EPS8L2: variants seen among roughly 807,000 people sequenced by gnomAD.
EPS8L2 encodes epidermal growth factor receptor kinase substrate 8-like protein 2.
In EPS8L2, 81 loss-of-function variants were observed where a neutral mutation model predicts 99.4. That is an observed-to-expected ratio of 0.82 (90% CI 0.68 to 0.98). The LOEUF is 0.98. Among genes scored for constraint, EPS8L2 ranks in the 50% least tolerant of loss-of-function variants. The pLI is 0.00. For synonymous variants in EPS8L2, 509 were observed against 407.3 expected (o/e 1.25, Z -3.01); for missense variants, 1,155 against 968.8 (o/e 1.19, Z -2.55).
rs1291053960 is a variant in EPS8L2 at position 721,037 on chromosome 11, G to A, written c.558-27G>A. 4.0e-6 allele frequency: 6 copies of A among 1,482,194 alleles called. No individual in the cohort carries two copies. In the South Asian group the frequency reaches 6.6e-5, roughly 16 times the overall value. 91.8% of individuals were successfully genotyped at this position (1,482,194 alleles called of 1,614,324 possible). Reference sequence around the variant, plus strand: ...GAGGGTCAGGTGCGTTCCCGGCGGGGCTGAGCAGGACCCCCTCGCCCTCCA... The same window carrying A: ...GAGGGTCAGGTGCGTTCCCGGCGGGACTGAGCAGGACCCCCTCGCCCTCCA... On this transcript the variant is annotated intron_variant, in intron 7 of 20. Transcript: ENST00000318562.
rs771642124 is a variant in EPS8L2, at chr11:709,641, CAG to C, written c.100+34_100+35del. ...AGGTTTGAGAACGGGCTGGACGTCACAGGGGAGAAATGGGCACTGCATCCAGG... is the reference window on the plus strand; with the variant it reads ...AGGTTTGAGAACGGGCTGGACGTCACGGGAGAAATGGGCACTGCATCCAGG... On this transcript the variant is annotated intron_variant, in intron 3 of 20. Coordinates refer to ENST00000318562, the MANE Select transcript of EPS8L2 (RefSeq NM_022772.4). The C allele has an allele frequency of 1.6e-5, 25 of 1,608,234 alleles. No homozygotes were observed. The Admixed American group carries it at 3.0e-4, about 19-fold the overall frequency.
chr11:709,777 C>T (rs1861834983), intron 3 of EPS8L2, 169 bp downstream of exon 3: 2 of 679,068 alleles, frequency 2.9e-6, no homozygotes, highest in Non-Finnish European at 5.1e-6. Flanking sequence ...AGCTCCTGGC[C>T]ACTGGATCCC....
intron 7 of EPS8L2, 49 bp downstream of exon 7, chr11:720,958 C>CCCGGCAGGGGAGGGGAGGGAGGAG: frequency 9.8e-7 from 1 of 1,015,864 alleles, no homozygotes; most frequent in African/African-American, 2.8e-5. Context: ...AGGGGAGGAG[C>CCCGGCAGGGGAGGGGAGGGAGGAG]CCGGCAGGGG....
At chr11:707,927 C>T (rs1018655793) in intron 1 of EPS8L2, among the ~76,000 whole-genome samples, 1 of 152,148 alleles carries the variant, frequency 6.6e-6, no homozygotes, top group East Asian at 1.9e-4. Context: ...AGGCTCGCCA[C>T]TGAGCCCGTG....
At position 710,465 on chromosome 11, in the gene EPS8L2, G is replaced by C; in HGVS notation, c.144G>C (p.Glu48Asp). 4 of 1,613,724 alleles carry C rather than the reference G, an allele frequency of 2.5e-6. No individual in the cohort carries two copies. The highest frequency in any genetic ancestry group is 3.4e-6 in the Non-Finnish European group (4 of 1,179,962). ...CCAACTCCAACGTCATCATGCACGA[G>C]ACCTCGCAGTACCACGTCCAGGTAA... ...KYSNSNVIMH[E>D]TSQYHVQHLA... Residue 48 changes from glutamate (E) to aspartate (D), a missense_variant, in exon 4 of 21, where the codon GAG (glutamate) becomes GAC (aspartate). Coordinates refer to ENST00000318562, the MANE Select transcript of EPS8L2 (RefSeq NM_022772.4).
intron 14 of EPS8L2, 66 bp downstream of exon 14, chr11:722,871 C>G (rs1450088489): frequency 4.5e-5 from 51 of 1,127,430 alleles, no homozygotes; most frequent in South Asian, 6.2e-5. Flanking sequence ...AGAGCTCCCC[C>G]CCAGCCCTGA....
chr11:713,850 T>C (rs575131092), intron 4 of EPS8L2, among the ~76,000 whole-genome samples: 72 of 151,930 alleles, frequency 4.7e-4, no homozygotes, highest in African/African-American at 1.6e-3. Context: ...CTGGCCTAAT[T>C]TTTGTATTTT....
At chr11:710,182 C>T in intron 3 of EPS8L2, 1 of 525,148 alleles carries the variant, frequency 1.9e-6, no homozygotes, top group South Asian at 2.1e-5. Flanking sequence ...CCCCACTCCA[C>T]TCAGAGCAAG....
chr11:724,884 G>A lies in EPS8L2; in HGVS notation c.1560+55G>A, dbSNP rs1862274813. 39 of 1,373,484 alleles carry A rather than the reference G, an allele frequency of 2.8e-5. No homozygotes were observed. The highest frequency in any genetic ancestry group is 3.8e-5 in the Non-Finnish European group (37 of 967,122). 85.1% of individuals were successfully genotyped at this position (1,373,484 alleles called of 1,614,324 possible). ...GGGGAAACAGGGCAGGGCTTCAAGGGAGGGGCTACCAGGGGAGGTGGGGAG... is the reference window on the plus strand; with the variant it reads ...GGGGAAACAGGGCAGGGCTTCAAGGAAGGGGCTACCAGGGGAGGTGGGGAG... On this transcript the variant is annotated intron_variant, in intron 16 of 20. Transcript: ENST00000318562. This position sits in a 1 kb window ranked among gnomAD's most constrained non-coding sequence, Gnocchi z 5.5.
In EPS8L2 at chr11:727,302, G is replaced by T. The variant is rs1035710780; in HGVS notation, c.*321G>T. ...CTCCCCTGTGCACCTGGGGGGTCCT[G>T]GCCCCTGTGATGCTCCCCCATCCCC... is the stretch of plus-strand genomic sequence containing the variant. On this transcript the variant is annotated 3_prime_UTR_variant, in exon 21 of 21. Transcript: ENST00000318562. 1.6e-5 allele frequency: 4 copies of T among 253,674 alleles called. No homozygotes were observed. The highest frequency in any genetic ancestry group is 1.4e-3 in the Middle Eastern group (1 of 722). The allele number at this position is 253,674 out of a possible 1,614,324, so 15.7% of individuals were successfully genotyped here. A position where few individuals can be genotyped will look rare whatever the true frequency, so the allele number is the denominator to read the frequency against.
intron 4 of EPS8L2, among the ~76,000 whole-genome samples, chr11:719,789 G>A (rs1226320245): frequency 6.6e-6 from 1 of 152,192 alleles, no homozygotes; most frequent in East Asian, 1.9e-4. Flanking sequence ...TACTGAGCCT[G>A]CACCAGGAGG....
intron 4 of EPS8L2, among the ~76,000 whole-genome samples, chr11:713,080 C>A (rs1050591949): frequency 2.0e-5 from 3 of 152,190 alleles, no homozygotes; most frequent in Non-Finnish European, 4.4e-5. Context: ...GGCTTTCCTG[C>A]CTCTCCCCGA....
intron 5 of EPS8L2, 38 bp downstream of exon 5, chr11:720,261 G>A (rs1862120337): frequency 6.2e-7 from 1 of 1,602,358 alleles, no homozygotes; most frequent in East Asian, 2.2e-5. Flanking sequence ...GAGCACAGTG[G>A]GTAGAGGCGG....
At position 720,868 on chromosome 11, in the gene EPS8L2, CGACTGCCGGCTG is replaced by C; in HGVS notation, c.518_529del (p.Asp173_Leu176del). 1 of 1,455,216 alleles carries C rather than the reference CGACTGCCGGCTG, an allele frequency of 6.9e-7. No homozygotes were observed. Among genetic ancestry groups the C allele is most frequent in the Admixed American group, 2.1e-5 (1 of 46,838 alleles). The allele number at this position is 1,455,216 out of a possible 1,614,324, so 90.1% of individuals were successfully genotyped here. On this transcript the variant is annotated inframe_deletion, in exon 7 of 21. Coordinates refer to ENST00000318562, the MANE Select transcript of EPS8L2 (RefSeq NM_022772.4). ...ACGAGGACATCGAGAGCGCGTTGGC[CGACTGCCGGCTG>C]GGCAAGAAGATGCGGCCGCAGACCC... is the stretch of plus-strand genomic sequence containing the variant.
chr11:720,988 G>GAGGGGAGGAGCCCGGCAGGGA, intron 7 of EPS8L2, 76 bp from the exon 8 acceptor site: 2 of 1,458,526 alleles, frequency 1.4e-6, no homozygotes, highest in Non-Finnish European at 9.2e-7. Context: ...GCCGGCAGGG[G>GAGGGGAGGAGCCCGGCAGGGA]AGGGGAGGAG....
At chr11:717,964 G>C (rs1051632061) in intron 4 of EPS8L2, among the ~76,000 whole-genome samples, 2 of 149,218 alleles carry the variant, frequency 1.3e-5, no homozygotes, top group Non-Finnish European at 3.0e-5. Context: ...AGCCGAGATC[G>C]CGCCACTGCA....
In EPS8L2 at chr11:722,190, C is replaced by T; in HGVS notation, c.1059+25C>T. ...GGTGCCTGGGGCCGGGCGGCAGGGG[C>T]GCGCAGGGTGGGGGCCCAGAGGCCT... is the stretch of plus-strand genomic sequence containing the variant. On this transcript the variant is annotated intron_variant, in intron 12 of 20. Coordinates refer to ENST00000318562, the MANE Select transcript of EPS8L2 (RefSeq NM_022772.4). The T allele has an allele frequency of 3.1e-6, 5 of 1,608,064 alleles. No individual in the cohort carries two copies. The highest frequency in any genetic ancestry group is 1.3e-5 in the African/African-American group (1 of 74,972).
intron 4 of EPS8L2, among the ~76,000 whole-genome samples, chr11:715,223 C>G (rs1456943756): frequency 2.0e-5 from 3 of 148,472 alleles, no homozygotes; most frequent in Admixed American, 6.7e-5. Flanking sequence ...GCCTGGGAGA[C>G]AGAGTGAGAC....
chr11:716,655 A>G (rs1392342436), intron 4 of EPS8L2, among the ~76,000 whole-genome samples: 2 of 152,204 alleles, frequency 1.3e-5, no homozygotes, highest in African/African-American at 4.8e-5. Context: ...ACAAATTGTG[A>G]TATGTATGTT....
Sources: gnomAD v4.1 joint callset for allele counts (sites outside exome capture counted in the v4.1 genomes callset) on GRCh38, gnomAD v4.1.1 for gene constraint, Gnocchi (gnomAD v3.1) non-coding constraint, MANE v1.5 for transcripts, NCBI Gene and HGNC (gene_info 2026-07-23, HGNC 2026-07-21) for gene names.